The following GOPC variants were observed in gnomAD, a reference collection of about 807,000 sequenced individuals.
The protein encoded by GOPC is golgi associated PDZ and coiled-coil motif containing.
GOPC carries 32 observed loss-of-function variants against 51.2 expected under a neutral mutation model. The ratio of observed to expected loss-of-function variants is 0.63; its 90% CI spans 0.47 to 0.84. The LOEUF is 0.84. Ranked by LOEUF, GOPC falls within the 40% of genes least tolerant of loss-of-function variation. The probability of loss-of-function intolerance (pLI) is 0.00; values close to 1 mark genes in which losing one functional copy is unlikely to be tolerated. For synonymous variants in GOPC, 190 were observed against 205.1 expected (o/e 0.93, Z 0.63); for missense variants, 441 against 555.5 (o/e 0.79, Z 2.07).
intron 1 of GOPC, among the ~76,000 whole-genome samples, chr6:117,583,172 C>T (rs1779984835): frequency 6.6e-6 from 1 of 152,192 alleles, no homozygotes; most frequent in African/African-American, 2.4e-5. Context: ...AAGTTTGCTC[C>T]TGCCAGTGCC....
chr6:117,591,831 T>A (rs577070493), intron 1 of GOPC, among the ~76,000 whole-genome samples: 8 of 151,880 alleles, frequency 5.3e-5, no homozygotes, highest in Admixed American at 4.6e-4. Context: ...CAGAATTAGG[T>A]TTGTCTTTTT....
chr6:117,572,589 C>A (rs1779821708), intron 5 of GOPC, among the ~76,000 whole-genome samples: 1 of 151,656 alleles, frequency 6.6e-6, no homozygotes, highest in African/African-American at 2.4e-5. Flanking sequence ...AAAACCCCAA[C>A]CTCATATTTA....
intron 1 of GOPC, among the ~76,000 whole-genome samples, chr6:117,593,620 G>A (rs1780151038): frequency 6.6e-6 from 1 of 152,130 alleles, no homozygotes; most frequent in Non-Finnish European, 1.5e-5. Context: ...CTTAATCCCT[G>A]TAAAGTTGGA....
intron 1 of GOPC, among the ~76,000 whole-genome samples, chr6:117,598,246 T>A (rs1165688332): frequency 6.6e-6 from 1 of 150,756 alleles, no homozygotes; most frequent in East Asian, 1.9e-4. Flanking sequence ...TAGTAGCTCA[T>A]GCCTGTAGTC....
At chr6:117,578,622 A>C (rs1779916285) in intron 2 of GOPC, among the ~76,000 whole-genome samples, 1 of 152,086 alleles carries the variant, frequency 6.6e-6, no homozygotes, top group Admixed American at 6.6e-5. Context: ...GTAGGGCAAA[A>C]AAAAATCTTA....
At chr6:117,598,838 C>G (rs1186316369) in intron 1 of GOPC, among the ~76,000 whole-genome samples, 2 of 152,144 alleles carry the variant, frequency 1.3e-5, no homozygotes, top group Non-Finnish European at 2.9e-5. Flanking sequence ...TATTCTATAG[C>G]ACCATAAGAT....
intron 1 of GOPC, among the ~76,000 whole-genome samples, chr6:117,588,518 T>C (rs1353396883): frequency 6.6e-6 from 1 of 151,956 alleles, no homozygotes. Flanking sequence ...TCAAGTGATC[T>C]GCCCGCCTCA....
At position 117,561,816 on chromosome 6, in the gene GOPC, T is replaced by C. The variant is rs1418302316; in HGVS notation, c.*1438A>G. On this transcript the variant is annotated 3_prime_UTR_variant, in exon 9 of 9. Coordinates refer to ENST00000368498, the MANE Select transcript of GOPC (RefSeq NM_020399.4). ...CCATAAATGAGCAACAGTTAAAACA[T>C]TAAATTTATAAATAGCAAAACCACA... 5 of 207,120 alleles carry C rather than the reference T, an allele frequency of 2.4e-5. No individual in the cohort carries two copies. The highest frequency in any genetic ancestry group is 1.1e-4 in the African/African-American group (5 of 43,930). 12.8% of individuals were successfully genotyped at this position (207,120 alleles called of 1,614,324 possible). A position where few individuals can be genotyped will look rare whatever the true frequency, so the allele number is the denominator to read the frequency against.
intron 1 of GOPC, among the ~76,000 whole-genome samples, chr6:117,598,861 T>C (rs1771934349): frequency 1.3e-5 from 2 of 152,180 alleles, no homozygotes; most frequent in Admixed American, 1.3e-4. Flanking sequence ...TTACAGTTAA[T>C]AGTAGCTTAA....
chr6:117,601,570 C>T (rs1216804094), intron 1 of GOPC, among the ~76,000 whole-genome samples: 1 of 152,124 alleles, frequency 6.6e-6, no homozygotes. Flanking sequence ...CAATCATAGG[C>T]GCTGACCTGG....
At chr6:117,592,653 C>T (rs1780135743) in intron 1 of GOPC, among the ~76,000 whole-genome samples, 1 of 152,050 alleles carries the variant, frequency 6.6e-6, no homozygotes, top group Non-Finnish European at 1.5e-5. Context: ...TTTAGGGCCC[C>T]CTCTAATCCA....
intron 1 of GOPC, among the ~76,000 whole-genome samples, chr6:117,600,880 C>T (rs140852587): frequency 1.6e-4 from 24 of 152,160 alleles, no homozygotes; most frequent in Admixed American, 5.2e-4. Flanking sequence ...GGAGAAGAGC[C>T]ACAATTCTTG....
intron 1 of GOPC, among the ~76,000 whole-genome samples, chr6:117,598,386 A>G (rs1771921796): frequency 6.6e-6 from 1 of 151,996 alleles, no homozygotes; most frequent in Non-Finnish European, 1.5e-5. Flanking sequence ...AAAAGAAAAA[A>G]AAAAGTTGAC....
At position 117,602,183 on chromosome 6, in the gene GOPC, C is replaced by T. The variant is rs1263717984; in HGVS notation, c.106G>A (p.Val36Met). ...GCTTTGTCGAACTCCTTCTCCAGCA[C>T]CTCCAGCCACCGGAACATGGATACC... ...GGVSMFRWLE[V>M]LEKEFDKAFV... is the part of the protein sequence containing the mutation. Residue 36 changes from valine to methionine, a missense_variant, in exon 1 of 9, where the codon GTG becomes ATG. Val to Met is a conservative substitution (Grantham distance 21). This residue lies in a region of GOPC where 204 missense variants were observed against 219.8 expected (regional missense o/e 0.93). Coordinates refer to ENST00000368498, the MANE Select transcript of GOPC (RefSeq NM_020399.4). The T allele has an allele frequency of 6.2e-7, 1 of 1,612,710 alleles. No individual in the cohort carries two copies. The highest frequency in any genetic ancestry group is 1.1e-5 in the South Asian group (1 of 91,088).
chr6:117,573,750 T>TTTGAG, intron 4 of GOPC, 118 bp from the exon 5 acceptor site: 2 of 772,882 alleles, frequency 2.6e-6, no homozygotes, highest in Non-Finnish European at 4.1e-6. Context: ...ATAAAACTAA[T>TTTGAG]ACTCACGAAC....
In GOPC at chr6:117,602,150, C is replaced by A; in HGVS notation, c.139G>T (p.Asp47Tyr). 4 of 1,614,106 alleles carry A rather than the reference C, an allele frequency of 2.5e-6. No individual in the cohort carries two copies. Among genetic ancestry groups the A allele is most frequent in the Non-Finnish European group, 3.4e-6 (4 of 1,180,026 alleles). ...LEKEFDKAFV[D>Y]VDLLLGEIDP... Reference sequence around the variant, plus strand: ...ATCTCTCCCAGGAGCAGATCCACATCCACAAAAGCTTTGTCGAACTCCTTC... The same window carrying A: ...ATCTCTCCCAGGAGCAGATCCACATACACAAAAGCTTTGTCGAACTCCTTC... The change falls in exon 1 of 9, where the codon GAT becomes TAT. Residue 47 changes from aspartate (D) to tyrosine (Y), a missense_variant. By Grantham distance (160) the Asp-to-Tyr change is radical. This residue lies in a region of GOPC where 204 missense variants were observed against 219.8 expected (regional missense o/e 0.93). Transcript: ENST00000368498.
chr6:117,563,068 A>G lies in GOPC; in HGVS notation c.*186T>C. 1.8e-6 allele frequency: 1 copy of G among 559,402 alleles called. No homozygotes were observed. The highest frequency in any genetic ancestry group is 2.3e-5 in the South Asian group (1 of 43,110). 34.7% of individuals were successfully genotyped at this position (559,402 alleles called of 1,614,324 possible). ...ATTGCTTTACATGCAATAGCTAATT[A>G]TGGTCTACCACAGAAAACAGGGTGT... On this transcript the variant is annotated 3_prime_UTR_variant, in exon 9 of 9. Coordinates refer to ENST00000368498, the MANE Select transcript of GOPC (RefSeq NM_020399.4).
chr6:117,573,418 A>C (rs1387946233), intron 5 of GOPC, 49 bp downstream of exon 5: 1 of 1,567,478 alleles, frequency 6.4e-7, no homozygotes, highest in Non-Finnish European at 8.7e-7. Context: ...ACTGTGATTA[A>C]AGAAAGAAAG....
intron 1 of GOPC, among the ~76,000 whole-genome samples, chr6:117,590,378 C>T (rs1166669069): frequency 2.6e-5 from 4 of 151,994 alleles, no homozygotes; most frequent in Admixed American, 2.6e-4. Context: ...CGAGACCAGC[C>T]TGGGCAACAT....
Sources: allele counts gnomAD v4.1 joint callset (sites outside exome capture counted in the v4.1 genomes callset), GRCh38; gene constraint gnomAD v4.1.1; regional missense constraint gnomAD v4.1.1; transcripts MANE v1.5; gene names NCBI Gene and HGNC (gene_info 2026-07-23, HGNC 2026-07-21).